PPRC1: variants seen among roughly 807,000 people sequenced by gnomAD.
PPRC1 encodes the protein PPARG related coactivator 1, also known as peroxisome proliferator-activated receptor gamma coactivator-related protein 1.
A neutral mutation model predicts 132.5 loss-of-function variants in PPRC1; 23 were observed. The ratio of observed to expected loss-of-function variants is 0.17; its 90% CI spans 0.12 to 0.25. PPRC1 has a LOEUF of 0.25. Among genes scored for constraint, PPRC1 ranks in the 10% least tolerant of loss-of-function variants. PPRC1 has a pLI of 1.00. For missense variants in PPRC1, 2,006 were observed against 2,089.1 expected (o/e 0.96, Z 0.78); for synonymous variants, 872 against 833.5 (o/e 1.05, Z -0.80).
intron 2 of PPRC1, among the ~76,000 whole-genome samples, chr10:102,138,376 T>C (rs984657283): frequency 1.3e-5 from 2 of 152,204 alleles, no homozygotes; most frequent in Non-Finnish European, 2.9e-5. Flanking sequence ...CCACATCTTA[T>C]CTGAGGGTAG....
chr10:102,133,197 G>C lies in PPRC1; in HGVS notation c.129G>C (p.Leu43Phe). Residue 43 changes from leucine (L) to phenylalanine (F), a missense_variant, in exon 1 of 14, where the codon TTG (leucine) becomes TTC (phenylalanine). Physicochemically the swap from Leu to Phe is conservative, Grantham distance 22 (BLOSUM62 0). Transcript: ENST00000278070. Reference sequence around the variant, plus strand: ...GAAGCCAAGCGCCGTATGGGACTTTGGGCGCTGTGAGCGGCGGCGAGCAGG... The same window carrying C: ...GAAGCCAAGCGCCGTATGGGACTTTCGGCGCTGTGAGCGGCGGCGAGCAGG... ...GSRSQAPYGT[L>F]GAVSGGEQVL... 7.8e-7 allele frequency: 1 copy of C among 1,281,754 alleles called. No individual in the cohort carries two copies. The highest frequency in any genetic ancestry group is 9.9e-7 in the Non-Finnish European group (1 of 1,007,490). 79.4% of individuals were successfully genotyped at this position (1,281,754 alleles called of 1,614,324 possible).
At chr10:102,124,142 T>A in the PPRC1 span, among the ~76,000 whole-genome samples, 1 of 152,086 alleles carries the variant, frequency 6.6e-6, no homozygotes, top group Non-Finnish European at 1.5e-5. Flanking sequence ...CTCAGTTCAC[T>A]GCAACCGCCG....
In PPRC1 at chr10:102,141,166, T is replaced by C. The variant is rs1440298458; in HGVS notation, c.2658T>C (p.Leu886=). 6.2e-7 allele frequency: 1 copy of C among 1,613,866 alleles called. No individual in the cohort carries two copies. Among genetic ancestry groups the C allele is most frequent in the East Asian group, 2.2e-5 (1 of 44,892 alleles). Residue 886 remains leucine, a synonymous_variant, in exon 5 of 14, where the codon CTT becomes CTC. Transcript: ENST00000278070. The part of the protein sequence containing the change: ...SAALPFPAGG[L]GMPPSLPPPP... ...CCCTGCCTTTCCCTGCAGGTGGGCT[T>C]GGCATGCCCCCCAGTCTGCCCCCAC...
chr10:102,146,766 C>T lies in PPRC1; in HGVS notation c.3774C>T (p.Ala1258=). The change falls in exon 9 of 14, where the codon GCC becomes GCT. Residue 1258 remains alanine, a synonymous_variant. Transcript: ENST00000278070. ...AAGCCAAATCTCCTAAGTCCACCGC[C>T]CAGGAGGGAACCCTGAAGCCTGAAG... The part of the protein sequence containing the change: ...LAKAKSPKST[A]QEGTLKPEGV... 6.2e-7 allele frequency: 1 copy of T among 1,614,090 alleles called. No homozygotes were observed. The highest frequency in any genetic ancestry group is 8.5e-7 in the Non-Finnish European group (1 of 1,180,002).
At chr10:102,142,914 A>T (rs528421710) in intron 5 of PPRC1, 131 bp from the exon 6 acceptor site, 2 of 707,898 alleles carry the variant, frequency 2.8e-6, no homozygotes, top group African/African-American at 3.6e-5. Flanking sequence ...TTGTGCTGCT[A>T]CCTTGGTTCA....
intron 1 of PPRC1, among the ~76,000 whole-genome samples, chr10:102,134,139 G>A (rs1035672007): frequency 6.6e-6 from 1 of 152,084 alleles, no homozygotes; most frequent in Non-Finnish European, 1.5e-5. Context: ...AAGGGGTATG[G>A]GGAGTGTCAA....
chr10:102,141,154 T>G lies in PPRC1; in HGVS notation c.2646T>G (p.Pro882=). 1 of 1,614,012 alleles carries G rather than the reference T, an allele frequency of 6.2e-7. No individual in the cohort carries two copies. Among genetic ancestry groups the G allele is most frequent in the East Asian group, 2.2e-5 (1 of 44,870 alleles). The part of the protein sequence containing the change: ...PPSMSAALPF[P]AGGLGMPPSL... ...CGATGTCTGCTGCCCTGCCTTTCCC[T>G]GCAGGTGGGCTTGGCATGCCCCCCA... Residue 882 remains proline (P), a synonymous_variant, in exon 5 of 14, where the codon CCT becomes CCG. Coordinates refer to ENST00000278070, the MANE Select transcript of PPRC1 (RefSeq NM_015062.5).
At position 102,142,013 on chromosome 10, in the gene PPRC1, C is replaced by A; in HGVS notation, c.3496+9C>A. The A allele has an allele frequency of 6.3e-7, 1 of 1,596,276 alleles. No individual in the cohort carries two copies. Among genetic ancestry groups the A allele is most frequent in the South Asian group, 1.1e-5 (1 of 88,444 alleles). On this transcript the variant is annotated intron_variant, in intron 5 of 13. Transcript: ENST00000278070. ...TTTCATCAGTGAGATTGGTGAGTGA[C>A]ACACAGTTCCCCCATGTAGTCCCCA...
chr10:102,138,181 G>A, intron 2 of PPRC1, 143 bp downstream of exon 2: 1 of 866,520 alleles, frequency 1.2e-6, no homozygotes, highest in South Asian at 1.9e-5. Context: ...TGTATTTTTT[G>A]TCTCTAAGTG....
upstream of PPRC1, among the ~76,000 whole-genome samples, chr10:102,128,202 C>T (rs2068491571): frequency 6.6e-6 from 1 of 151,534 alleles, no homozygotes; most frequent in African/African-American, 2.4e-5. Flanking sequence ...TGCAGTGGTG[C>T]GATCTCAGCT....
At chr10:102,146,358 A>G (rs1303382954) in intron 8 of PPRC1, among the ~76,000 whole-genome samples, 3 of 152,104 alleles carry the variant, frequency 2.0e-5, no homozygotes, top group Non-Finnish European at 4.4e-5. Context: ...TGCAGCCTAG[A>G]AGTCAGGCAG....
Position 102,147,158 on chromosome 10 carries a change from C to G in PPRC1, c.4166C>G (p.Thr1389Ser), listed in dbSNP as rs765762651. Residue 1389 changes from threonine to serine, a missense_variant, in exon 9 of 14, where the codon ACT becomes AGT. This residue lies in a region of PPRC1 where 1,914 missense variants were observed against 1,917.2 expected (regional missense o/e 1.00). Transcript: ENST00000278070. ...EASPCRNDMNTRTPPEPSAKQ... is the reference protein window; with the variant it reads ...EASPCRNDMNSRTPPEPSAKQ... Reference sequence around the variant, plus strand: ...TCACCCTGCCGGAATGACATGAACACTAGGACTCCCCCTGAACCCTCAGCC... The same window carrying G: ...TCACCCTGCCGGAATGACATGAACAGTAGGACTCCCCCTGAACCCTCAGCC... 1 of 1,614,192 alleles carries G rather than the reference C, an allele frequency of 6.2e-7. No individual in the cohort carries two copies. Among genetic ancestry groups the G allele is most frequent in the South Asian group, 1.1e-5 (1 of 91,088 alleles).
the PPRC1 span, chr10:102,120,371 CCGTGTGTG>C: frequency 3.9e-5 from 38 of 984,028 alleles, no homozygotes; most frequent in East Asian, 2.3e-4. Context: ...GAGTGTGTGT[CCGTGTGTG>C]CGTGTGTGCG....
chr10:102,127,068 T>TAAAA, the PPRC1 span, among the ~76,000 whole-genome samples: 2 of 74,102 alleles, frequency 2.7e-5, no homozygotes, highest in Admixed American at 1.3e-4. Context: ...TATATATATA[T>TAAAA]AAATTAAAAA....
chr10:102,124,593 G>A, the PPRC1 span, among the ~76,000 whole-genome samples: 12 of 151,390 alleles, frequency 7.9e-5, no homozygotes, highest in African/African-American at 1.9e-4. Flanking sequence ...CACCCGCCTC[G>A]GCCTCCCAAA....
Position 102,140,619 on chromosome 10 carries a change from G to A in PPRC1, c.2111G>A (p.Gly704Asp), listed in dbSNP as rs555405911. The change falls in exon 5 of 14, where the codon GGT becomes GAT. Residue 704 changes from glycine (G) to aspartate (D), a missense_variant. Gly to Asp is a moderately conservative substitution (Grantham distance 94). This residue lies in a region of PPRC1 where 1,914 missense variants were observed against 1,917.2 expected (regional missense o/e 1.00). Coordinates refer to ENST00000278070, the MANE Select transcript of PPRC1 (RefSeq NM_015062.5). Reference sequence around the variant, plus strand: ...GGTGCAGTGTCATCAGCCCTGGGGGGTTCAGCACCCCAGCTCCTCGTGGAG... The same window carrying A: ...GGTGCAGTGTCATCAGCCCTGGGGGATTCAGCACCCCAGCTCCTCGTGGAG... ...RRGAVSSALG[G>D]SAPQLLVESE... 7.2e-5 allele frequency: 117 copies of A among 1,614,042 alleles called. 2 individuals are homozygous for A. In the South Asian group the frequency reaches 1.2e-3, roughly 16 times the overall value.
In PPRC1 at chr10:102,138,601, G is replaced by A. The variant is rs113740223; in HGVS notation, c.343-18G>A. ...TTAGGGATGTTGGTAGGACCTTCTG[G>A]TTGTTTTTCTGGAGCAGAGCAGGTT... is the stretch of plus-strand genomic sequence containing the variant. On this transcript the variant is annotated intron_variant, in intron 2 of 13. Coordinates refer to ENST00000278070, the MANE Select transcript of PPRC1 (RefSeq NM_015062.5). 2.0e-5 allele frequency: 33 copies of A among 1,613,114 alleles called. No individual in the cohort carries two copies. In the African/African-American group the frequency reaches 3.1e-4, roughly 15 times the overall value.
Position 102,142,971 on chromosome 10 carries a change from T to C in PPRC1, c.3497-74T>C, listed in dbSNP as rs985207219. On this transcript the variant is annotated intron_variant, in intron 5 of 13. Transcript: ENST00000278070. ...AGTGGAAAGGGAGAAGTGAGATGAT[T>C]TGGGGGCTTCCTGGGACCTGTGTAC... 4.1e-5 allele frequency: 55 copies of C among 1,331,910 alleles called. 1 individual carries two copies. Among genetic ancestry groups the C allele is most frequent in the East Asian group, 1.9e-4 (8 of 43,072 alleles). The allele number at this position is 1,331,910 out of a possible 1,614,324, so 82.5% of individuals were successfully genotyped here.
the PPRC1 span, among the ~76,000 whole-genome samples, chr10:102,123,234 C>T: frequency 3.9e-5 from 6 of 152,198 alleles, no homozygotes; most frequent in Non-Finnish European, 8.8e-5. Flanking sequence ...ACCCATTGCT[C>T]CACTCCTTGC....
Sources: allele counts gnomAD v4.1 joint callset (sites outside exome capture counted in the v4.1 genomes callset), GRCh38; gene constraint gnomAD v4.1.1; regional missense constraint gnomAD v4.1.1; transcripts MANE v1.5; gene names NCBI Gene and HGNC (gene_info 2026-07-23, HGNC 2026-07-21).